CCDC178: variants seen among roughly 807,000 people sequenced by gnomAD.
CCDC178 encodes the protein coiled-coil domain-containing protein 178.
Under a neutral mutation model 117.4 loss-of-function variants are expected in CCDC178, and 126 were observed. The ratio of observed to expected loss-of-function variants is 1.07; its 90% CI spans 0.93 to 1.24. The LOEUF is 1.24. CCDC178 is among the 50% of genes most tolerant of loss of function. The pLI, the probability that CCDC178 is intolerant of heterozygous loss-of-function variation, is 0.00. For missense variants in CCDC178, 1,030 were observed against 986.9 expected (o/e 1.04, Z -0.59); for synonymous variants, 283 against 313.4 (o/e 0.90, Z 1.02).
chr18:33,231,534 C>G (rs2059368004), intron 15 of CCDC178, among the ~76,000 whole-genome samples: 1 of 152,142 alleles, frequency 6.6e-6, no homozygotes, highest in African/African-American at 2.4e-5. Flanking sequence ...TAACTCTGAT[C>G]TGTGATAATG....
chr18:33,055,493 T>C (rs1188605185), intron 21 of CCDC178, among the ~76,000 whole-genome samples: 1 of 152,010 alleles, frequency 6.6e-6, no homozygotes, highest in African/African-American at 2.4e-5. Flanking sequence ...CACGCCACCA[T>C]GCCCCGCTAA....
chr18:33,200,172 G>GA (rs2058976224), intron 20 of CCDC178, among the ~76,000 whole-genome samples: 1 of 152,174 alleles, frequency 6.6e-6, no homozygotes, highest in Non-Finnish European at 1.5e-5. Context: ...CAATGACAGT[G>GA]AACCATGTTT....
intron 4 of CCDC178, among the ~76,000 whole-genome samples, chr18:33,393,249 T>C (rs1371847467): frequency 6.6e-6 from 1 of 152,208 alleles, no homozygotes; most frequent in Non-Finnish European, 1.5e-5. Context: ...TATCTGTAAC[T>C]GTTAGTATAT....
chr18:33,162,334 T>A (rs539948469), intron 20 of CCDC178, among the ~76,000 whole-genome samples: 39 of 152,160 alleles, frequency 2.6e-4, no homozygotes, highest in South Asian at 8.3e-4. Flanking sequence ...AAGTATAATT[T>A]AAAAAAAATA....
chr18:33,440,169 A>G (rs549755953), intron 1 of CCDC178, 88 bp from the exon 2 acceptor site: 13 of 152,142 alleles, frequency 8.5e-5, no homozygotes, highest in Non-Finnish European at 1.5e-4. Context: ...TATAAGCAAA[A>G]TAAAAGTTGA....
At chr18:33,079,840 G>A (rs2057269821) in intron 21 of CCDC178, among the ~76,000 whole-genome samples, 2 of 152,188 alleles carry the variant, frequency 1.3e-5, no homozygotes, top group Admixed American at 6.5e-5. Flanking sequence ...GTGTAAGTTA[G>A]TTCAACTATT....
intron 22 of CCDC178, among the ~76,000 whole-genome samples, chr18:32,964,302 T>C (rs2054766509): frequency 1.3e-5 from 2 of 152,028 alleles, no homozygotes; most frequent in Admixed American, 1.3e-4. Flanking sequence ...TTTATGTGTT[T>C]ATGCATATGT....
chr18:33,278,458 C>A (rs1380771828), intron 12 of CCDC178, among the ~76,000 whole-genome samples: 1 of 151,688 alleles, frequency 6.6e-6, no homozygotes, highest in South Asian at 2.1e-4. Flanking sequence ...TAGAGCCACC[C>A]TTCTAAAAGT....
At chr18:33,065,145 G>C (rs1006560217) in intron 21 of CCDC178, among the ~76,000 whole-genome samples, 1 of 152,092 alleles carries the variant, frequency 6.6e-6, no homozygotes, top group Non-Finnish European at 1.5e-5. Flanking sequence ...TGAATAGAAA[G>C]TAGCAATTAG....
intron 2 of CCDC178, among the ~76,000 whole-genome samples, chr18:33,436,080 G>T (rs1286931883): frequency 6.6e-6 from 1 of 152,056 alleles, no homozygotes; most frequent in Non-Finnish European, 1.5e-5. Flanking sequence ...CAGCAATAAA[G>T]AAAAGGAATT....
At position 33,108,414 on chromosome 18, in the gene CCDC178, G is replaced by A. The variant is rs548687220; in HGVS notation, c.2239-15504C>T. Among the ~76,000 whole-genome samples, 20 of 151,626 alleles carry A rather than the reference G, an allele frequency of 1.3e-4. No individual in the cohort carries two copies. In the South Asian group the frequency reaches 3.5e-3, roughly 27 times the overall value. The stretch of plus-strand genomic sequence containing the variant: ...CAACATTTGAGGTTATGGCATTCCC[G>A]ACTGTATCTTTGGGAATTATGATTG... On this transcript the variant is annotated intron_variant, in intron 20 of 22. Coordinates refer to ENST00000383096, the MANE Select transcript of CCDC178 (RefSeq NM_001105528.4).
chr18:33,207,025 C>T (rs2059052148), intron 20 of CCDC178, among the ~76,000 whole-genome samples: 1 of 152,108 alleles, frequency 6.6e-6, no homozygotes. Flanking sequence ...TAATAAAGTC[C>T]TTTGTCTCTC....
chr18:33,359,346 G>T (rs889046616), intron 6 of CCDC178, among the ~76,000 whole-genome samples: 2 of 151,652 alleles, frequency 1.3e-5, no homozygotes, highest in African/African-American at 4.8e-5. Context: ...CATTACCTTA[G>T]CAACTTTGTT....
At chr18:33,138,862 TC>T (rs1332022184) in intron 20 of CCDC178, among the ~76,000 whole-genome samples, 15 of 152,140 alleles carry the variant, frequency 9.9e-5, no homozygotes, top group Admixed American at 7.9e-4. Flanking sequence ...AGTGGTACAG[TC>T]CCCTAATCTT....
At chr18:33,005,863 G>C (rs2055737337) in intron 21 of CCDC178, among the ~76,000 whole-genome samples, 1 of 152,012 alleles carries the variant, frequency 6.6e-6, no homozygotes, top group African/African-American at 2.4e-5. Flanking sequence ...GTGAAAACCT[G>C]AAATAAGTAG....
At chr18:33,407,717 T>A (rs1342924460) in intron 3 of CCDC178, among the ~76,000 whole-genome samples, 1 of 152,040 alleles carries the variant, frequency 6.6e-6, no homozygotes, top group East Asian at 1.9e-4. Flanking sequence ...GAAAAAATTA[T>A]AACTTGCTAA....
intron 11 of CCDC178, among the ~76,000 whole-genome samples, chr18:33,320,615 C>T (rs1299398406): frequency 6.6e-6 from 1 of 152,182 alleles, no homozygotes; most frequent in Admixed American, 6.5e-5. Context: ...AAGAACATTC[C>T]ATGCTCATGG....
intron 20 of CCDC178, among the ~76,000 whole-genome samples, chr18:33,156,641 C>CAACA (rs2058401102): frequency 1.0e-5 from 1 of 99,272 alleles, no homozygotes; most frequent in African/African-American, 4.0e-5. Flanking sequence ...TCCTCCCTCT[C>CAACA]AAAAAAAAAA....
rs74460927 is a variant in CCDC178, at chr18:33,372,410, A to C, written c.209-2221T>G. Among the ~76,000 whole-genome samples the C allele has an allele frequency of 6.4e-3, 978 of 152,244 alleles. 4 individuals carry two copies. Among genetic ancestry groups the C allele is most frequent in the Non-Finnish European group, 0.012 (793 of 67,994 alleles). On this transcript the variant is annotated intron_variant, in intron 5 of 22. Coordinates refer to ENST00000383096, the MANE Select transcript of CCDC178 (RefSeq NM_001105528.4). ...CTTTAGCTAAAATGATTCAGTCTTTAGGTCTCAGATTTCTTATTTAATAAA... is the reference window on the plus strand; with the variant it reads ...CTTTAGCTAAAATGATTCAGTCTTTCGGTCTCAGATTTCTTATTTAATAAA...
Sources: gnomAD v4.1 joint callset for allele counts (sites outside exome capture counted in the v4.1 genomes callset) on GRCh38, gnomAD v4.1.1 for gene constraint, MANE v1.5 for transcripts, NCBI Gene and HGNC (gene_info 2026-07-23, HGNC 2026-07-21) for gene names.